Variants in ATOSA observed in about 807,000 individuals in gnomAD.
ATOSA encodes the protein atos homolog A.
chr15:52,610,358 GTAGGTC>G, the ATOSA span: 1 of 1,611,522 alleles, frequency 6.2e-7, no homozygotes, highest in African/African-American at 1.3e-5. Flanking sequence ...AAATTCCACT[GTAGGTC>G]TACATCAGCA....
the ATOSA span, chr15:52,678,164 T>G: frequency 6.3e-6 from 6 of 956,796 alleles, no homozygotes; most frequent in Non-Finnish European, 1.0e-5. Context: ...CCTATTCTAA[T>G]ACCCGGACCT....
At chr15:52,626,696 G>A in the ATOSA span, among the ~76,000 whole-genome samples, 2 of 152,106 alleles carry the variant, frequency 1.3e-5, no homozygotes, top group South Asian at 4.1e-4. Flanking sequence ...TTAAACCTAC[G>A]TCTCTTGTGT....
chr15:52,607,109 G>A, the ATOSA span, among the ~76,000 whole-genome samples: 1 of 152,156 alleles, frequency 6.6e-6, no homozygotes, highest in East Asian at 1.9e-4. Flanking sequence ...TTAATCATGA[G>A]TCTTGTAAAA....
the ATOSA span, chr15:52,678,135 A>G: frequency 3.9e-6 from 5 of 1,295,066 alleles, no homozygotes; most frequent in African/African-American, 5.8e-5. Context: ...GAAAGAGACA[A>G]AAATAAAATT....
At chr15:52,602,946 A>G in the ATOSA span, among the ~76,000 whole-genome samples, 10 of 152,184 alleles carry the variant, frequency 6.6e-5, no homozygotes, top group African/African-American at 2.4e-4. Context: ...TTGCTCTTAC[A>G]TAACATTATG....
chr15:52,582,430 T>G, the ATOSA span: 2 of 747,952 alleles, frequency 2.7e-6, no homozygotes, highest in African/African-American at 1.9e-5. Context: ...CACTAACTCT[T>G]TAACATGATA....
At chr15:52,625,699 C>T in the ATOSA span, among the ~76,000 whole-genome samples, 1 of 93,950 alleles carries the variant, frequency 1.1e-5, no homozygotes, top group Non-Finnish European at 3.3e-5. Context: ...AAGGTGCCAT[C>T]TTAAAAAAAA....
the ATOSA span, chr15:52,584,875 C>T: frequency 6.2e-7 from 1 of 1,613,390 alleles, no homozygotes; most frequent in East Asian, 2.2e-5. Context: ...TGATGATTGG[C>T]TGGCATATCT....
the ATOSA span, among the ~76,000 whole-genome samples, chr15:52,699,023 G>C: frequency 2.0e-5 from 3 of 152,180 alleles, no homozygotes; most frequent in African/African-American, 7.2e-5. Context: ...GTTATTACTG[G>C]ACGAATAAAA....
the ATOSA span, among the ~76,000 whole-genome samples, chr15:52,702,609 G>A: frequency 1.3e-5 from 2 of 151,990 alleles, no homozygotes; most frequent in African/African-American, 4.8e-5. Flanking sequence ...AACTACTGGG[G>A]GCAGGGAGGG....
At chr15:52,582,600 C>A in the ATOSA span, among the ~76,000 whole-genome samples, 16 of 152,338 alleles carry the variant, frequency 1.1e-4, no homozygotes, top group African/African-American at 3.8e-4. Context: ...CTCCCTGACT[C>A]CACAGTACAT....
the ATOSA span, among the ~76,000 whole-genome samples, chr15:52,673,908 G>A: frequency 1.9e-3 from 293 of 152,234 alleles, 3 homozygotes; most frequent in Admixed American, 3.8e-3. Flanking sequence ...TTGTAATATA[G>A]CCAAATGGAG....
the ATOSA span, chr15:52,584,722 T>C: frequency 1.3e-6 from 2 of 1,592,558 alleles, no homozygotes; most frequent in Non-Finnish European, 1.7e-6. Context: ...AAGTAACATT[T>C]TCATATTAAT....
the ATOSA span, among the ~76,000 whole-genome samples, chr15:52,653,804 T>C: frequency 6.6e-6 from 1 of 152,180 alleles, no homozygotes; most frequent in Non-Finnish European, 1.5e-5. Flanking sequence ...CTGTAAGTGC[T>C]TAAAACGTAG....
At chr15:52,667,272 C>A in the ATOSA span, among the ~76,000 whole-genome samples, 4 of 152,188 alleles carry the variant, frequency 2.6e-5, no homozygotes, top group African/African-American at 9.7e-5. Context: ...GTTCTATTTA[C>A]ATGATCTAAT....
chr15:52,679,365 T>A, the ATOSA span: 1 of 153,446 alleles, frequency 6.5e-6, no homozygotes, highest in African/African-American at 2.4e-5. Flanking sequence ...GTTCTTTCTC[T>A]GCTGTTTGCC....
chr15:52,601,740 T>G, the ATOSA span, among the ~76,000 whole-genome samples: 8 of 148,064 alleles, frequency 5.4e-5, no homozygotes, highest in African/African-American at 2.0e-4. Context: ...GCTCAAAATA[T>G]CCTAAAATCA....
the ATOSA span, chr15:52,648,905 T>C: frequency 6.6e-6 from 1 of 152,104 alleles, no homozygotes; most frequent in Non-Finnish European, 1.5e-5. Flanking sequence ...AGTCTTTCAG[T>C]GAGTAAAACT....
At chr15:52,611,773 C>G in the ATOSA span, 1 of 1,613,494 alleles carries the variant, frequency 6.2e-7, no homozygotes, top group Non-Finnish European at 8.5e-7. Flanking sequence ...TCTGGCTTGG[C>G]GGCACTTAGA....
Sources: allele counts gnomAD v4.1 joint callset (sites outside exome capture counted in the v4.1 genomes callset), GRCh38; gene constraint gnomAD v4.1.1; transcripts MANE v1.5; gene names NCBI Gene and HGNC (gene_info 2026-07-23, HGNC 2026-07-21).